RALY: variants seen among roughly 807,000 people sequenced by gnomAD.
The protein encoded by RALY is RALY heterogeneous nuclear ribonucleoprotein.
RALY carries 15 observed loss-of-function variants against 30.7 expected under a neutral mutation model. The observed-to-expected ratio is 0.49, with a 90% CI of 0.33 to 0.75. RALY has a LOEUF of 0.75. Ranked by LOEUF, RALY falls within the 30% of genes least tolerant of loss-of-function variation. The probability of loss-of-function intolerance (pLI) is 0.02; values close to 1 mark genes in which losing one functional copy is unlikely to be tolerated. For synonymous variants in RALY, 177 were observed against 170.8 expected (o/e 1.04, Z -0.28); for missense variants, 339 against 414.3 (o/e 0.82, Z 1.58).
chr20:34,056,586 T>C (rs2033251042), intron 2 of RALY, among the ~76,000 whole-genome samples: 1 of 152,236 alleles, frequency 6.6e-6, no homozygotes. Flanking sequence ...AGTAAATCTT[T>C]TTAGCATGTT....
At chr20:34,026,268 T>A (rs1240269817) in intron 1 of RALY, among the ~76,000 whole-genome samples, 1 of 152,140 alleles carries the variant, frequency 6.6e-6, no homozygotes, top group Non-Finnish European at 1.5e-5. Flanking sequence ...ACTCCCTTCA[T>A]TTAACATTTA....
chr20:34,000,776 T>G (rs915276996), intron 1 of RALY, among the ~76,000 whole-genome samples: 1 of 152,228 alleles, frequency 6.6e-6, no homozygotes, highest in Non-Finnish European at 1.5e-5. Flanking sequence ...CAAATCTGGC[T>G]ATCTTCCCAA....
intron 2 of RALY, among the ~76,000 whole-genome samples, chr20:34,066,697 T>TC (rs1230413427): frequency 9.4e-5 from 1 of 10,662 alleles, no homozygotes; most frequent in South Asian, 7.7e-3. Context: ...CCTGGGGCTC[T>TC]TTTTTTTTTT....
At chr20:34,048,669 A>T (rs1461619940) in intron 2 of RALY, among the ~76,000 whole-genome samples, 2 of 151,696 alleles carry the variant, frequency 1.3e-5, no homozygotes, top group African/African-American at 4.8e-5. Context: ...ATCCTGGCTA[A>T]CACGGTGAAA....
At chr20:34,031,024 T>G in intron 1 of RALY, among the ~76,000 whole-genome samples, 2 of 134,028 alleles carry the variant, frequency 1.5e-5, no homozygotes, top group African/African-American at 2.8e-5. Flanking sequence ...CCCTCTCCCT[T>G]TCCCTCCCCT....
intron 2 of RALY, among the ~76,000 whole-genome samples, chr20:34,058,579 G>A (rs1201939576): frequency 1.3e-4 from 20 of 152,080 alleles, no homozygotes; most frequent in South Asian, 2.1e-4. Flanking sequence ...TCATCCCTTC[G>A]GAAGAACCCA....
At chr20:34,029,478 AAGGG>A (rs3831778) in intron 1 of RALY, among the ~76,000 whole-genome samples, 4,030 of 56,110 alleles carry the variant, frequency 0.072, 283 homozygotes, top group African/African-American at 0.21. Context: ...GGAGGGAGGA[AAGGG>A]AGGGAGGGAG....
chr20:34,024,370 A>G (rs984995889), intron 1 of RALY, among the ~76,000 whole-genome samples: 5 of 152,220 alleles, frequency 3.3e-5, no homozygotes, highest in African/African-American at 7.2e-5. Context: ...GCCTCCCTTG[A>G]TAATTCCTGC....
At chr20:34,004,946 A>G (rs2031092689) in intron 1 of RALY, among the ~76,000 whole-genome samples, 1 of 152,232 alleles carries the variant, frequency 6.6e-6, no homozygotes, top group African/African-American at 2.4e-5. Context: ...GAAGGTTGGC[A>G]TGAACATTGA....
chr20:34,021,453 G>C (rs1402739683), intron 1 of RALY, among the ~76,000 whole-genome samples: 9 of 152,228 alleles, frequency 5.9e-5, no homozygotes, highest in Non-Finnish European at 1.0e-4. Context: ...CATGGTGAGA[G>C]AGAGTGGGAG....
At chr20:34,030,700 A>C (rs1290673353) in intron 1 of RALY, among the ~76,000 whole-genome samples, 1 of 152,164 alleles carries the variant, frequency 6.6e-6, no homozygotes, top group East Asian at 1.9e-4. Flanking sequence ...TAGTTTTCTC[A>C]TATGTAAAAT....
chr20:34,062,985 A>G (rs2033460150), intron 2 of RALY, among the ~76,000 whole-genome samples: 3 of 152,206 alleles, frequency 2.0e-5, no homozygotes, highest in African/African-American at 7.2e-5. Flanking sequence ...AGGTAGAGGA[A>G]GAAACTGACC....
At chr20:34,060,564 C>A (rs144471435) in intron 2 of RALY, among the ~76,000 whole-genome samples, 263 of 152,310 alleles carry the variant, frequency 1.7e-3, no homozygotes, top group African/African-American at 6.2e-3. Context: ...ATATGTATTG[C>A]TATTTCCATC....
At chr20:33,994,557 C>G (rs2030502152) in intron 1 of RALY, among the ~76,000 whole-genome samples, 1 of 152,250 alleles carries the variant, frequency 6.6e-6, no homozygotes, top group Admixed American at 6.5e-5. Flanking sequence ...TTCCGGCTCT[C>G]CTAACCCGGA....
In RALY at chr20:34,080,752, A is replaced by G. The variant is rs1159580989; in HGVS notation, c.*847A>G. On this transcript the variant is annotated 3_prime_UTR_variant, in exon 10 of 10. Transcript: ENST00000246194. ...ACTGACTCTTCATCATCAGGACAAAACCCTACCTCCTGAATGTAGGGTGTA... is the reference window on the plus strand; with the variant it reads ...ACTGACTCTTCATCATCAGGACAAAGCCCTACCTCCTGAATGTAGGGTGTA... The G allele has an allele frequency of 1.3e-5, 2 of 152,180 alleles. No homozygotes were observed. The highest frequency in any genetic ancestry group is 4.8e-5 in the African/African-American group (2 of 41,366). The allele number at this position is 152,180 out of a possible 1,614,324, so 9.4% of individuals were successfully genotyped here. A position where few individuals can be genotyped will look rare whatever the true frequency, so the allele number is the denominator to read the frequency against.
chr20:33,994,478 G>T (rs1444837036), intron 1 of RALY: 1 of 152,296 alleles, frequency 6.6e-6, no homozygotes, highest in African/African-American at 2.4e-5. Flanking sequence ...CGCCCCGCCC[G>T]GCGAGGGGCG....
intron 1 of RALY, among the ~76,000 whole-genome samples, chr20:34,010,657 G>C (rs1487396175): frequency 6.6e-6 from 1 of 152,154 alleles, no homozygotes; most frequent in African/African-American, 2.4e-5. Context: ...AACTGATCCT[G>C]ATTTTCCAGA....
At chr20:34,037,426 AGGCTTCACAGT>A (rs2032537787) in intron 2 of RALY, among the ~76,000 whole-genome samples, 1 of 152,208 alleles carries the variant, frequency 6.6e-6, no homozygotes, top group Admixed American at 6.5e-5. Context: ...TGGACTTCAG[AGGCTTCACAGT>A]GGCTTTTGGG....
At chr20:34,036,557 G>A (rs2032503652) in intron 2 of RALY, among the ~76,000 whole-genome samples, 1 of 152,178 alleles carries the variant, frequency 6.6e-6, no homozygotes, top group Non-Finnish European at 1.5e-5. Flanking sequence ...GGAATGAATT[G>A]ATGTGTTCCC....
Sources: gnomAD v4.1 joint callset for allele counts (sites outside exome capture counted in the v4.1 genomes callset) on GRCh38, gnomAD v4.1.1 for gene constraint, MANE v1.5 for transcripts, NCBI Gene and HGNC (gene_info 2026-07-23, HGNC 2026-07-21) for gene names.